MYO16: variants seen among roughly 807,000 people sequenced by gnomAD.
The protein encoded by MYO16 is unconventional myosin-XVI.
MYO16 carries 94 observed loss-of-function variants against 205.3 expected under a neutral mutation model. The observed-to-expected ratio is 0.46, with a 90% CI of 0.39 to 0.54. The LOEUF (loss-of-function observed/expected upper bound fraction) is 0.54, where lower values mean the gene tolerates loss of function less well. Ranked by LOEUF, MYO16 falls within the 20% of genes least tolerant of loss-of-function variation. The pLI is 0.00. For missense variants in MYO16, 2,315 were observed against 2,387.5 expected, an observed-to-expected ratio of 0.97 and a Z score of 0.63; for synonymous variants, 988 against 954.0, an observed-to-expected ratio of 1.04 and a Z score of -0.66.
chr13:108,836,840 A>T (rs1034625144), intron 9 of MYO16, among the ~76,000 whole-genome samples: 1 of 152,174 alleles, frequency 6.6e-6, no homozygotes, highest in Non-Finnish European at 1.5e-5. Context: ...CCCCTAGTGT[A>T]TCTAGGAAGT....
At chr13:108,615,824 T>C (rs1879331700) in intron 1 of MYO16, among the ~76,000 whole-genome samples, 1 of 152,168 alleles carries the variant, frequency 6.6e-6, no homozygotes, top group Non-Finnish European at 1.5e-5. Context: ...CCAAACTAGC[T>C]CATCTACAAC....
intron 20 of MYO16, among the ~76,000 whole-genome samples, chr13:108,988,386 TC>T (rs1884710159): frequency 6.6e-6 from 1 of 152,188 alleles, no homozygotes; most frequent in South Asian, 2.1e-4. Flanking sequence ...GCAAAAGTCG[TC>T]CTTAAAATGC....
intron 6 of MYO16, among the ~76,000 whole-genome samples, chr13:108,794,981 T>G (rs566787740): frequency 2.0e-5 from 3 of 152,278 alleles, no homozygotes; most frequent in African/African-American, 7.2e-5. Context: ...AAATATATTT[T>G]TACATTTATT....
chr13:108,776,898 A>G (rs1886141399), intron 4 of MYO16, among the ~76,000 whole-genome samples: 1 of 152,158 alleles, frequency 6.6e-6, no homozygotes, highest in African/African-American at 2.4e-5. Flanking sequence ...GTGTCCTTAA[A>G]CGCTCAGCTA....
intron 23 of MYO16, among the ~76,000 whole-genome samples, chr13:109,020,959 G>A (rs929826878): frequency 2.0e-5 from 3 of 152,130 alleles, no homozygotes; most frequent in Non-Finnish European, 4.4e-5. Context: ...TATGAATAAT[G>A]TATTACATTG....
intron 4 of MYO16, among the ~76,000 whole-genome samples, chr13:108,744,602 C>T (rs1268547163): frequency 6.6e-6 from 1 of 152,240 alleles, no homozygotes; most frequent in Non-Finnish European, 1.5e-5. Context: ...CACTGGAGCC[C>T]TTCAAATGGC....
At chr13:109,109,455 T>C (rs1376005795) in intron 28 of MYO16, among the ~76,000 whole-genome samples, 1 of 152,122 alleles carries the variant, frequency 6.6e-6, no homozygotes, top group African/African-American at 2.4e-5. Context: ...ACCTGATTTA[T>C]GCTTTAAATG....
rs559897515 is a variant in MYO16 at position 109,142,856 on chromosome 13, C to T, written c.5164+1480C>T. 9.9e-5 allele frequency among the ~76,000 whole-genome samples: 15 copies of T among 152,270 alleles called. No individual in the cohort carries two copies. In the South Asian group the frequency reaches 2.5e-3, roughly 25 times the overall value. ...TGAGCTGCTGCCCAGCCCAATCCCA[C>T]ACTGTGGAGTGTACTTTTGTTGTCG... On this transcript the variant is annotated intron_variant, in intron 32 of 34. Transcript: ENST00000457511.
At chr13:108,687,245 T>C (rs1298335095) in intron 2 of MYO16, among the ~76,000 whole-genome samples, 1 of 152,232 alleles carries the variant, frequency 6.6e-6, no homozygotes, top group East Asian at 1.9e-4. Flanking sequence ...GTAGACTAAT[T>C]GCAGTGCAGT....
At chr13:108,706,007 A>ATATC (rs549209677) in intron 2 of MYO16, among the ~76,000 whole-genome samples, 5 of 152,290 alleles carry the variant, frequency 3.3e-5, no homozygotes, top group African/African-American at 1.2e-4. Flanking sequence ...AATAATAATA[A>ATATC]TATCAGTAAC....
intron 12 of MYO16, among the ~76,000 whole-genome samples, chr13:108,872,793 A>G (rs1594360061): frequency 6.6e-6 from 1 of 152,154 alleles, no homozygotes; most frequent in Admixed American, 6.5e-5. Flanking sequence ...AATAAATACA[A>G]AAAATATATC....
intron 16 of MYO16, among the ~76,000 whole-genome samples, chr13:108,942,440 T>C (rs1882769869): frequency 6.6e-6 from 1 of 152,208 alleles, no homozygotes. Flanking sequence ...CTAATTGGAA[T>C]GCACACAGAG....
the MYO16 span, among the ~76,000 whole-genome samples, chr13:108,549,645 A>G: frequency 6.6e-6 from 1 of 152,090 alleles, no homozygotes; most frequent in Non-Finnish European, 1.5e-5. Flanking sequence ...GTGAAAGTCA[A>G]TCCTTTGGGG....
chr13:109,170,675 T>C (rs965566543), intron 33 of MYO16, among the ~76,000 whole-genome samples: 10 of 151,888 alleles, frequency 6.6e-5, no homozygotes, highest in East Asian at 3.9e-4. Flanking sequence ...ATAATAATAA[T>C]AATAAAAACG....
At chr13:109,123,271 T>A (rs9514986) in intron 29 of MYO16, among the ~76,000 whole-genome samples, 17,534 of 152,170 alleles carry the variant, frequency 0.12, 1,275 homozygotes, top group Middle Eastern at 0.19. Context: ...GAAAATGAGG[T>A]CTTCCGGAGG....
intron 34 of MYO16, among the ~76,000 whole-genome samples, chr13:109,180,070 T>C (rs1879392371): frequency 6.6e-6 from 1 of 152,156 alleles, no homozygotes; most frequent in Non-Finnish European, 1.5e-5. Flanking sequence ...AGTTATGACA[T>C]TCATTTCCAT....
chr13:108,785,480 A>C (rs1377155177), intron 4 of MYO16, among the ~76,000 whole-genome samples, 155 bp from the exon 5 acceptor site: 1 of 152,222 alleles, frequency 6.6e-6, no homozygotes, highest in African/African-American at 2.4e-5. Context: ...TATTTGTCTT[A>C]AAAAATAATT....
intron 20 of MYO16, among the ~76,000 whole-genome samples, chr13:108,969,557 C>CA (rs1883929092): frequency 6.6e-6 from 1 of 152,228 alleles, no homozygotes; most frequent in African/African-American, 2.4e-5. Flanking sequence ...CCACAGATAA[C>CA]AGCCATTCTC....
rs16972781 is a variant in MYO16 at position 108,610,908 on chromosome 13, C to T, written c.-39+14669C>T. Among the ~76,000 whole-genome samples the T allele has an allele frequency of 6.7e-3, 1,026 of 152,206 alleles. 13 individuals carry two copies. The highest frequency in any genetic ancestry group is 0.023 in the African/African-American group (942 of 41,528). Reference sequence around the variant, plus strand: ...TTTTCCTCTGGATAGATAAGTCTACCGGAAGTTCATTTCCAGATGCTTCAG... The same window carrying T: ...TTTTCCTCTGGATAGATAAGTCTACTGGAAGTTCATTTCCAGATGCTTCAG... On this transcript the variant is annotated intron_variant, in intron 1 of 24. Transcript: ENST00000251041.
Sources: gnomAD v4.1 joint callset for allele counts (sites outside exome capture counted in the v4.1 genomes callset) on GRCh38, gnomAD v4.1.1 for gene constraint, MANE v1.5 for transcripts, NCBI Gene and HGNC (gene_info 2026-07-23, HGNC 2026-07-21) for gene names.